The following PDHX variants were observed in gnomAD, a reference collection of about 807,000 sequenced individuals.
The protein encoded by PDHX is pyruvate dehydrogenase protein X component, mitochondrial.
In PDHX, 33 loss-of-function variants were observed where a neutral mutation model predicts 55.3. The observed-to-expected ratio is 0.60, with a 90% CI of 0.45 to 0.80. The LOEUF (loss-of-function observed/expected upper bound fraction) is 0.80, where lower values mean the gene tolerates loss of function less well. Among genes scored for constraint, PDHX ranks in the 30% least tolerant of loss-of-function variants. The pLI, the probability that PDHX is intolerant of heterozygous loss-of-function variation, is 0.00. For synonymous variants in PDHX, 226 were observed against 219.4 expected, an observed-to-expected ratio of 1.03 and a Z score of -0.27; for missense variants, 622 against 619.9, an observed-to-expected ratio of 1.00 and a Z score of -0.04.
At chr11:34,929,266 T>G (rs1391102127) in intron 1 of PDHX, among the ~76,000 whole-genome samples, 2 of 152,262 alleles carry the variant, frequency 1.3e-5, no homozygotes, top group Admixed American at 1.3e-4. Context: ...GGCAGAGTCT[T>G]GGTCTGTTGC....
chr11:34,945,080 G>A (rs1854590586), intron 2 of PDHX, among the ~76,000 whole-genome samples: 1 of 151,964 alleles, frequency 6.6e-6, no homozygotes, highest in South Asian at 2.1e-4. Context: ...TGCCAATAAA[G>A]TTTAGTATTA....
At chr11:34,943,735 G>A (rs1854550079) in intron 2 of PDHX, among the ~76,000 whole-genome samples, 1 of 151,978 alleles carries the variant, frequency 6.6e-6, no homozygotes. Flanking sequence ...TGTTCTCTCT[G>A]CCTCCAGGGC....
chr11:34,991,931 A>G (rs549962548), intron 9 of PDHX, among the ~76,000 whole-genome samples: 48 of 149,666 alleles, frequency 3.2e-4, no homozygotes, highest in African/African-American at 1.2e-3. Context: ...AAAAAAAACT[A>G]AAAAACACTA....
In PDHX at chr11:34,936,784, T is replaced by TTTTCTTTTC. The variant is rs1223227783; in HGVS notation, c.241+5303_241+5304insCTTTTCTTT. Reference sequence around the variant, plus strand: ...ATAGGAAGTGGTTTCTTTTCTTTTCTTTTTTTTTTTTTTTTTTTTTTCTGA... The same window carrying TTTTCTTTTC: ...ATAGGAAGTGGTTTCTTTTCTTTTCTTTTCTTTTCTTTTTTTTTTTTTTTTTTTTTCTGA... On this transcript the variant is annotated intron_variant, in intron 2 of 10. Transcript: ENST00000227868. Among the ~76,000 whole-genome samples the TTTTCTTTTC allele has an allele frequency of 5.2e-3, 423 of 81,530 alleles. 6 individuals carry two copies. Among genetic ancestry groups the TTTTCTTTTC allele is most frequent in the East Asian group, 0.011 (16 of 1,486 alleles). 53.5% of individuals were successfully genotyped at this position (81,530 alleles called of 152,430 possible). A position where few individuals can be genotyped will look rare whatever the true frequency, so the allele number is the denominator to read the frequency against.
intron 1 of PDHX, among the ~76,000 whole-genome samples, chr11:34,919,176 T>A (rs1853813744): frequency 6.6e-6 from 1 of 152,244 alleles, no homozygotes; most frequent in East Asian, 1.9e-4. Flanking sequence ...TTTTTCCTAA[T>A]ACCGAGCCAA....
chr11:34,917,986 C>T (rs1287164469), intron 1 of PDHX, among the ~76,000 whole-genome samples: 1 of 152,154 alleles, frequency 6.6e-6, no homozygotes, highest in Non-Finnish European at 1.5e-5. Flanking sequence ...ATGGAATGAG[C>T]TTTGAGACTC....
chr11:34,951,579 G>T (rs1381012620), intron 3 of PDHX, among the ~76,000 whole-genome samples: 10 of 152,192 alleles, frequency 6.6e-5, no homozygotes, highest in African/African-American at 2.4e-4. Context: ...TGAGTTCATT[G>T]TAGATTCTGG....
intron 2 of PDHX, among the ~76,000 whole-genome samples, chr11:34,942,730 G>A (rs1218234379): frequency 1.3e-5 from 2 of 152,220 alleles, no homozygotes; most frequent in African/African-American, 2.4e-5. Flanking sequence ...GCTTCCATAC[G>A]TAATATTACT....
At chr11:34,981,972 G>C (rs571939265) in intron 8 of PDHX, among the ~76,000 whole-genome samples, 113 of 152,252 alleles carry the variant, frequency 7.4e-4, no homozygotes, top group African/African-American at 2.7e-3. Context: ...TCTGATGGTA[G>C]TTTCTTTTGC....
At chr11:34,957,925 G>A (rs1854941585) in intron 4 of PDHX, among the ~76,000 whole-genome samples, 1 of 152,138 alleles carries the variant, frequency 6.6e-6, no homozygotes, top group Non-Finnish European at 1.5e-5. Flanking sequence ...CCCATTTATG[G>A]AGTTCTAATT....
chr11:34,984,052 G>T (rs184384466), intron 8 of PDHX, among the ~76,000 whole-genome samples: 2 of 152,288 alleles, frequency 1.3e-5, no homozygotes, highest in Admixed American at 1.3e-4. Flanking sequence ...AACCAAAACA[G>T]CATGGTACTG....
chr11:34,936,802 T>TTTTG (rs1565151991), intron 2 of PDHX, among the ~76,000 whole-genome samples: 36 of 129,104 alleles, frequency 2.8e-4, no homozygotes, highest in Non-Finnish European at 4.5e-4. Context: ...TTTTTTTTTT[T>TTTTG]TTTCTGAGAC....
intron 9 of PDHX, among the ~76,000 whole-genome samples, chr11:34,990,707 T>A (rs147957490): frequency 7.0e-4 from 106 of 152,324 alleles, no homozygotes; most frequent in African/African-American, 2.5e-3. Flanking sequence ...TCAAAATTCA[T>A]CTCATTTTTT....
intron 6 of PDHX, among the ~76,000 whole-genome samples, chr11:34,969,549 G>A (rs926256037): frequency 6.6e-6 from 1 of 151,916 alleles, no homozygotes; most frequent in African/African-American, 2.4e-5. Context: ...TCACCATGTT[G>A]GCCAAGCTGG....
intron 7 of PDHX, 144 bp downstream of exon 7, chr11:34,970,430 A>G (rs760306343): frequency 5.9e-5 from 42 of 707,074 alleles, no homozygotes; most frequent in Non-Finnish European, 8.3e-5. Context: ...CTCTGGGTAT[A>G]TTTGTGCTAG....
At chr11:34,924,320 C>A (rs1474357807) in intron 1 of PDHX, among the ~76,000 whole-genome samples, 1 of 152,304 alleles carries the variant, frequency 6.6e-6, no homozygotes, top group South Asian at 2.1e-4. Flanking sequence ...CGGCTCACTG[C>A]AACCTCTGCC....
intron 9 of PDHX, among the ~76,000 whole-genome samples, chr11:34,988,820 T>C (rs1213554779): frequency 6.6e-6 from 1 of 152,186 alleles, no homozygotes; most frequent in African/African-American, 2.4e-5. Flanking sequence ...CAGTTGAAAA[T>C]AGATGAGTAC....
At chr11:34,935,520 T>C (rs924431137) in intron 2 of PDHX, among the ~76,000 whole-genome samples, 3 of 152,192 alleles carry the variant, frequency 2.0e-5, no homozygotes, top group Admixed American at 1.3e-4. Context: ...TCCTTTGCCA[T>C]GTGTGGTGGT....
chr11:34,953,797 C>T (rs556437528), intron 3 of PDHX, among the ~76,000 whole-genome samples: 15 of 152,140 alleles, frequency 9.9e-5, no homozygotes, highest in Non-Finnish European at 1.5e-4. Context: ...CTCTTCGTGC[C>T]TTAATTTTCT....
Sources: gnomAD v4.1 joint callset for allele counts (sites outside exome capture counted in the v4.1 genomes callset) on GRCh38, gnomAD v4.1.1 for gene constraint, MANE v1.5 for transcripts, NCBI Gene and HGNC (gene_info 2026-07-23, HGNC 2026-07-21) for gene names.